The following UGT2B7 variants were observed in gnomAD, a reference collection of about 807,000 sequenced individuals.
The protein encoded by UGT2B7 is UDP glucuronosyltransferase family 2 member B7.
A neutral mutation model predicts 51.9 loss-of-function variants in UGT2B7; 51 were observed. The observed-to-expected ratio is 0.98, with a 90% CI of 0.78 to 1.24. UGT2B7 has a LOEUF of 1.24. Ranked by LOEUF, UGT2B7 falls within the 50% of genes most tolerant of loss-of-function variation. The pLI is 0.00. For missense variants in UGT2B7, 727 were observed against 628.4 expected (o/e 1.16, Z -1.68); for synonymous variants, 225 against 211.6 (o/e 1.06, Z -0.55).
At chr4:69,108,444 A>T in intron 5 of UGT2B7, 122 bp downstream of exon 5, 2 of 1,145,550 alleles carry the variant, frequency 1.7e-6, no homozygotes, top group Non-Finnish European at 2.4e-6. Context: ...TGATTTAACC[A>T]ATCTGAAATC....
At chr4:69,080,734 C>T (rs1718817966) in intron 1 of UGT2B7, among the ~76,000 whole-genome samples, 2 of 152,044 alleles carry the variant, frequency 1.3e-5, no homozygotes, top group African/African-American at 4.8e-5. Flanking sequence ...ATGCAATTGA[C>T]TTTCTGTACT....
In UGT2B7 at chr4:69,096,677, G is replaced by A. The variant is rs752397753; in HGVS notation, c.157G>A (p.Val53Met). The part of the protein sequence containing the change: ...LDELIQRGHE[V>M]TVLASSASIL... ...TGAGCTTATTCAGAGAGGTCATGAGGTGACTGTACTGGCATCTTCAGCTTC... is the reference window on the plus strand; with the variant it reads ...TGAGCTTATTCAGAGAGGTCATGAGATGACTGTACTGGCATCTTCAGCTTC... Residue 53 changes from valine (V) to methionine (M), a missense_variant, in exon 1 of 6, where the codon GTG (valine) becomes ATG (methionine). Transcript: ENST00000305231. The A allele has an allele frequency of 4.3e-6, 7 of 1,613,868 alleles. No homozygotes were observed. Among genetic ancestry groups the A allele is most frequent in the Non-Finnish European group, 5.9e-6 (7 of 1,179,930 alleles).
At position 69,112,440 on chromosome 4, in the gene UGT2B7, T is replaced by C. The variant is rs1410166936; in HGVS notation, c.1311-17T>C. The C allele has an allele frequency of 1.2e-6, 2 of 1,609,036 alleles. No individual in the cohort carries two copies. The highest frequency in any genetic ancestry group is 3.4e-5 in the Admixed American group (2 of 59,192). The stretch of plus-strand genomic sequence containing the variant: ...AACTCTTCCTGCTACATTACTGTCT[T>C]TATTTTTATCTTTCAGATATAAAGA... On this transcript the variant is annotated splice_polypyrimidine_tract_variant and intron_variant, in intron 5 of 5. Coordinates refer to ENST00000305231, the MANE Select transcript of UGT2B7 (RefSeq NM_001074.4).
At chr4:69,079,387 C>G (rs4694611) in intron 1 of UGT2B7, among the ~76,000 whole-genome samples, 9 of 151,994 alleles carry the variant, frequency 5.9e-5, no homozygotes, top group African/African-American at 1.9e-4. Flanking sequence ...AGTCATATTC[C>G]AGGAGTTAAA....
chr4:69,112,532 C>A lies in UGT2B7; in HGVS notation c.1386C>A (p.Phe462Leu), dbSNP rs1322031126. The change falls in exon 6 of 6, where the codon TTC becomes TTA. Residue 462 changes from phenylalanine to leucine, a missense_variant. Transcript: ENST00000305231. ...QPVKPLDRAVFWIEFVMRHKG... is the reference protein window; with the variant it reads ...QPVKPLDRAVLWIEFVMRHKG... Reference sequence around the variant, plus strand: ...TGAAGCCCCTGGATCGAGCAGTCTTCTGGATTGAATTTGTCATGCGCCACA... The same window carrying A: ...TGAAGCCCCTGGATCGAGCAGTCTTATGGATTGAATTTGTCATGCGCCACA... 1.9e-6 allele frequency: 3 copies of A among 1,613,896 alleles called. No individual in the cohort carries two copies.
At chr4:69,081,949 A>G (rs1412264059) in intron 1 of UGT2B7, among the ~76,000 whole-genome samples, 3 of 152,088 alleles carry the variant, frequency 2.0e-5, no homozygotes, top group African/African-American at 7.2e-5. Context: ...TACTGACATA[A>G]TTTTTAAAAT....
intron 1 of UGT2B7, among the ~76,000 whole-genome samples, chr4:69,088,570 G>A (rs191948103): frequency 6.6e-5 from 10 of 152,182 alleles, no homozygotes; most frequent in South Asian, 2.1e-4. Context: ...GAAAAGCTCC[G>A]TATGAGTATC....
chr4:69,079,436 A>T (rs1332171426), intron 1 of UGT2B7, among the ~76,000 whole-genome samples: 4 of 152,220 alleles, frequency 2.6e-5, no homozygotes, highest in Admixed American at 6.5e-5. Flanking sequence ...ATACATACGT[A>T]ACAAACCTGT....
At chr4:69,086,044 TTTTAG>T (rs1377892098) in intron 1 of UGT2B7, among the ~76,000 whole-genome samples, 1 of 151,734 alleles carries the variant, frequency 6.6e-6, no homozygotes, top group Non-Finnish European at 1.5e-5. Flanking sequence ...TTCTACTATT[TTTTAG>T]TTTAGTTTCT....
intron 1 of UGT2B7, among the ~76,000 whole-genome samples, chr4:69,078,090 T>C (rs370492533): frequency 6.6e-6 from 1 of 152,180 alleles, no homozygotes; most frequent in Non-Finnish European, 1.5e-5. Context: ...TTTTATGTCA[T>C]GGATTCCTTT....
At chr4:69,108,488 A>G (rs1719679540) in intron 5 of UGT2B7, among the ~76,000 whole-genome samples, 166 bp downstream of exon 5, 1 of 151,994 alleles carries the variant, frequency 6.6e-6, no homozygotes, top group Non-Finnish European at 1.5e-5. Flanking sequence ...TAAAAATTGA[A>G]TTTGAAACAC....
At chr4:69,112,251 G>T (rs1719793238) in intron 5 of UGT2B7, among the ~76,000 whole-genome samples, 1 of 152,024 alleles carries the variant, frequency 6.6e-6, no homozygotes, top group Non-Finnish European at 1.5e-5. Flanking sequence ...TTGCTCAATC[G>T]ATCATGACCC....
At chr4:69,062,785 A>G (rs967927245) in intron 1 of UGT2B7, among the ~76,000 whole-genome samples, 1 of 152,194 alleles carries the variant, frequency 6.6e-6, no homozygotes, top group Non-Finnish European at 1.5e-5. Flanking sequence ...TGACTAGTCT[A>G]TGCACGGCCG....
At chr4:69,073,287 T>A (rs553737977) in intron 1 of UGT2B7, among the ~76,000 whole-genome samples, 7 of 152,300 alleles carry the variant, frequency 4.6e-5, no homozygotes, top group African/African-American at 1.7e-4. Flanking sequence ...CATATCAAGA[T>A]GTCTCATTGA....
At chr4:69,080,502 C>A (rs1447433850) in intron 1 of UGT2B7, among the ~76,000 whole-genome samples, 1 of 150,226 alleles carries the variant, frequency 6.7e-6, no homozygotes, top group African/African-American at 2.5e-5. Flanking sequence ...GAGCTGAGAT[C>A]GCAGCACTAC....
At chr4:69,055,086 T>C (rs1577904004) in intron 1 of UGT2B7, among the ~76,000 whole-genome samples, 1 of 30,588 alleles carries the variant, frequency 3.3e-5, no homozygotes, top group Admixed American at 4.4e-4. Flanking sequence ...GTGACAGAAG[T>C]AAAGTAATAG....
intron 1 of UGT2B7, among the ~76,000 whole-genome samples, chr4:69,086,628 T>C (rs908917415): frequency 6.6e-6 from 1 of 151,974 alleles, no homozygotes; most frequent in Non-Finnish European, 1.5e-5. Context: ...TTCAGCTCTA[T>C]AAATTTTGCT....
At chr4:69,081,448 A>G (rs910171198) in intron 1 of UGT2B7, among the ~76,000 whole-genome samples, 1 of 152,090 alleles carries the variant, frequency 6.6e-6, no homozygotes, top group Non-Finnish European at 1.5e-5. Context: ...AACAAAAATG[A>G]CCTTTTGACT....
At chr4:69,108,915 T>C (rs976502736) in intron 5 of UGT2B7, among the ~76,000 whole-genome samples, 8 of 152,122 alleles carry the variant, frequency 5.3e-5, no homozygotes, top group African/African-American at 1.9e-4. Flanking sequence ...TATGACCGCT[T>C]AGCCCTGGTC....
Sources: allele counts gnomAD v4.1 joint callset (sites outside exome capture counted in the v4.1 genomes callset), GRCh38; gene constraint gnomAD v4.1.1; transcripts MANE v1.5; gene names NCBI Gene and HGNC (gene_info 2026-07-23, HGNC 2026-07-21).